Variants in CDC42BPB observed in about 807,000 individuals in gnomAD.
CDC42BPB encodes the protein CDC42 binding protein kinase beta.
In CDC42BPB, 37 loss-of-function variants were observed where a neutral mutation model predicts 214.9. The ratio of observed to expected loss-of-function variants is 0.17; its 90% confidence interval spans 0.13 to 0.23. The LOEUF is 0.23. CDC42BPB is among the 10% of genes least tolerant of loss of function. CDC42BPB has a pLI of 1.00. For synonymous variants in CDC42BPB, 931 were observed against 884.0 expected, an observed-to-expected ratio of 1.05 and a Z score of -0.94; for missense variants, 1,694 against 2,227.0, an observed-to-expected ratio of 0.76 and a Z score of 4.82.
intron 6 of CDC42BPB, among the ~76,000 whole-genome samples, chr14:102,985,902 C>A (rs543471901): frequency 7.9e-5 from 12 of 152,228 alleles, no homozygotes; most frequent in Non-Finnish European, 1.5e-4. Flanking sequence ...GGTCTGACTG[C>A]GGGGTGGAGA....
intron 6 of CDC42BPB, among the ~76,000 whole-genome samples, chr14:102,985,738 G>A (rs1165583827): frequency 2.6e-5 from 4 of 152,246 alleles, no homozygotes; most frequent in Admixed American, 6.5e-5. Context: ...CTTATGATAA[G>A]TGTAGGTTTC....
In CDC42BPB at chr14:103,005,802, G is replaced by A. The variant is rs142291446; in HGVS notation, c.352-1779C>T. Among the ~76,000 whole-genome samples, 17 of 152,086 alleles carry A rather than the reference G, an allele frequency of 1.1e-4. No homozygotes were observed. The East Asian group carries it at 3.3e-3, about 29-fold the overall frequency. On this transcript the variant is annotated intron_variant, in intron 3 of 36. Coordinates refer to ENST00000361246, the MANE Select transcript of CDC42BPB (RefSeq NM_006035.4). ...TTTGGGAGGCTGAGGCAGACGGATC[G>A]CGAGGTCAGGAGTTCAAGACCAGCT... is the stretch of plus-strand genomic sequence containing the variant.
chr14:103,044,140 C>G (rs1048637595), intron 1 of CDC42BPB, among the ~76,000 whole-genome samples: 8 of 152,178 alleles, frequency 5.3e-5, no homozygotes, highest in African/African-American at 1.9e-4. Context: ...GAAAGCTGCT[C>G]TATTAATAAA....
chr14:103,012,260 G>A, intron 1 of CDC42BPB, 72 bp from the exon 2 acceptor site: 1 of 1,488,710 alleles, frequency 6.7e-7, no homozygotes, highest in Non-Finnish European at 9.1e-7. Flanking sequence ...AATTGAGTGG[G>A]GTGTTGCACT....
At chr14:103,048,663 G>A (rs1321981177) in intron 1 of CDC42BPB, among the ~76,000 whole-genome samples, 9 of 148,978 alleles carry the variant, frequency 6.0e-5, no homozygotes, top group African/African-American at 7.4e-5. Flanking sequence ...AGCCGAGATC[G>A]GGCCACTGCA....
At chr14:103,011,989 C>A (rs1322091273) in intron 2 of CDC42BPB, 108 bp downstream of exon 2, 7 of 742,004 alleles carry the variant, frequency 9.4e-6, no homozygotes, top group Non-Finnish European at 1.7e-5. Flanking sequence ...CCAAATAATA[C>A]TAATTACCTC....
intron 12 of CDC42BPB, chr14:102,972,383 G>A (rs916419059): frequency 3.1e-6 from 3 of 958,936 alleles, no homozygotes; most frequent in Non-Finnish European, 3.7e-6. Flanking sequence ...GAGACCAACT[G>A]CACACCAAGA....
At chr14:102,991,412 C>G (rs1894482678) in intron 5 of CDC42BPB, among the ~76,000 whole-genome samples, 1 of 152,200 alleles carries the variant, frequency 6.6e-6, no homozygotes, top group Non-Finnish European at 1.5e-5. Flanking sequence ...GGATGAGGAA[C>G]TATTCTAGAT....
At position 103,041,934 on chromosome 14, in the gene CDC42BPB, C is replaced by G. The variant is rs1265638204; in HGVS notation, c.175+15065G>C. On this transcript the variant is annotated intron_variant, in intron 1 of 36. Coordinates refer to ENST00000361246, the MANE Select transcript of CDC42BPB (RefSeq NM_006035.4). ...AGCTGACAGGACCGGTCATGCCCATCCCAAACGTCTGTAAGAAGGAGAAAG... is the reference window on the plus strand; with the variant it reads ...AGCTGACAGGACCGGTCATGCCCATGCCAAACGTCTGTAAGAAGGAGAAAG... 18 of 382,000 alleles carry G rather than the reference C, an allele frequency of 4.7e-5. 1 individual carries two copies. Among genetic ancestry groups the G allele is most frequent in the South Asian group, 2.5e-4 (11 of 43,694 alleles). The allele number at this position is 382,000 out of a possible 1,614,324, so 23.7% of individuals were successfully genotyped here.
intron 1 of CDC42BPB, 35 bp downstream of exon 1, chr14:103,056,964 G>C (rs1004629522): frequency 1.5e-6 from 2 of 1,327,694 alleles, no homozygotes; most frequent in Non-Finnish European, 1.9e-6. Flanking sequence ...GGGGGTCGCA[G>C]AGCCGCAGGT....
In CDC42BPB at chr14:103,057,038, G is replaced by C; in HGVS notation, c.136C>G (p.Leu46Val). The change falls in exon 1 of 37, where the codon CTG becomes GTG. Residue 46 changes from leucine to valine, a missense_variant. Transcript: ENST00000361246. ...CLYTECSHSA[L>V]RRDKYVAEFL... is the part of the protein sequence containing the mutation. ...TCGGCCACGTACTTGTCGCGGCGCA[G>C]GGCCGAGTGGCTGCACTCGGTGTAC... 1 of 1,516,668 alleles carries C rather than the reference G, an allele frequency of 6.6e-7. No homozygotes were observed. Among genetic ancestry groups the C allele is most frequent in the Middle Eastern group, 1.7e-4 (1 of 5,878 alleles). 94.0% of individuals were successfully genotyped at this position (1,516,668 alleles called of 1,614,324 possible).
At position 102,943,373 on chromosome 14, in the gene CDC42BPB, C is replaced by T. The variant is rs926292401; in HGVS notation, c.4408+518G>A. Among the ~76,000 whole-genome samples the T allele has an allele frequency of 7.9e-5, 12 of 152,186 alleles. No individual in the cohort carries two copies. Among genetic ancestry groups the T allele is most frequent in the Non-Finnish European group, 1.3e-4 (9 of 68,024 alleles). ...GCCACCATTCATAGAGAAAGTCATG[C>T]CAACTAGGCGAATTCAGTGACCCAA... On this transcript the variant is annotated intron_variant, in intron 30 of 36. Transcript: ENST00000361246. This position sits in a 1 kb window ranked among gnomAD's most constrained non-coding sequence, Gnocchi z 4.6.
chr14:103,030,788 A>C (rs922779165), intron 1 of CDC42BPB, among the ~76,000 whole-genome samples: 1 of 152,150 alleles, frequency 6.6e-6, no homozygotes. Flanking sequence ...GTTCCAGACC[A>C]GCCTAGGCAA....
At chr14:103,041,658 A>C in intron 1 of CDC42BPB, 1 of 596,946 alleles carries the variant, frequency 1.7e-6, no homozygotes, top group Non-Finnish European at 3.0e-6. Flanking sequence ...GCACAGTGCG[A>C]AATCACACCA....
intron 4 of CDC42BPB, among the ~76,000 whole-genome samples, chr14:103,003,177 G>C (rs1895068599): frequency 6.6e-6 from 1 of 152,150 alleles, no homozygotes; most frequent in Non-Finnish European, 1.5e-5. Flanking sequence ...CCTTCTCTGA[G>C]GTCTGCCCGC....
At chr14:102,956,325 T>C in intron 21 of CDC42BPB, 1 of 337,694 alleles carries the variant, frequency 3.0e-6, no homozygotes, top group African/African-American at 2.2e-5. Context: ...CAAACATCAT[T>C]TCCCACCCAG....
chr14:102,991,588 G>A (rs573740226), intron 5 of CDC42BPB, among the ~76,000 whole-genome samples: 1 of 152,302 alleles, frequency 6.6e-6, no homozygotes, highest in African/African-American at 2.4e-5. Flanking sequence ...GAATTTTGGG[G>A]TAAATGCTCT....
chr14:102,968,388 A>G (rs772215801), intron 15 of CDC42BPB, 30 bp from the exon 16 acceptor site: 24 of 1,613,138 alleles, frequency 1.5e-5, no homozygotes, highest in Non-Finnish European at 2.0e-5. Flanking sequence ...ACAGTTTTAA[A>G]AGCTCGTAAC....
chr14:102,950,435 G>C, intron 25 of CDC42BPB, 31 bp downstream of exon 25: 1 of 1,610,932 alleles, frequency 6.2e-7, no homozygotes, highest in Non-Finnish European at 8.5e-7. Context: ...CACAGGCACC[G>C]AGGGCTGAGG....
Sources: allele counts gnomAD v4.1 joint callset (sites outside exome capture counted in the v4.1 genomes callset), GRCh38; gene constraint gnomAD v4.1.1; non-coding constraint Gnocchi (gnomAD v3.1); transcripts MANE v1.5; gene names NCBI Gene and HGNC (gene_info 2026-07-23, HGNC 2026-07-21).